The following CHLSN variants were observed in gnomAD, a reference collection of about 807,000 sequenced individuals.
CHLSN encodes the protein protein cholesin.
At chr7:1,134,197 T>G in the CHLSN span, among the ~76,000 whole-genome samples, 1 of 151,576 alleles carries the variant, frequency 6.6e-6, no homozygotes, top group Non-Finnish European at 1.5e-5. Flanking sequence ...CACTTGAGCC[T>G]AGGAGTTCAA....
At chr7:1,109,973 C>T in the CHLSN span, among the ~76,000 whole-genome samples, 2 of 152,228 alleles carry the variant, frequency 1.3e-5, no homozygotes, top group Non-Finnish European at 2.9e-5. Flanking sequence ...CCGTGGGCTG[C>T]GTCCAGGGCT....
chr7:1,057,739 T>C, the CHLSN span: 1 of 775,046 alleles, frequency 1.3e-6, no homozygotes, highest in Non-Finnish European at 2.4e-6. Context: ...GCAGGCCTGG[T>C]GCTCAGCGCC....
chr7:1,033,672 C>T, the CHLSN span, among the ~76,000 whole-genome samples: 11 of 152,170 alleles, frequency 7.2e-5, no homozygotes, highest in African/African-American at 1.7e-4. Context: ...TCAAGACCCA[C>T]GCGTGGTAAA....
At chr7:1,039,235 T>TG in the CHLSN span, among the ~76,000 whole-genome samples, 1 of 24,386 alleles carries the variant, frequency 4.1e-5, no homozygotes, top group Non-Finnish European at 6.9e-5. Flanking sequence ...GGGAGGGAGG[T>TG]GGGGGGGGTC....
At chr7:1,065,633 G>A in the CHLSN span, among the ~76,000 whole-genome samples, 30 of 152,230 alleles carry the variant, frequency 2.0e-4, no homozygotes, top group African/African-American at 6.5e-4. Flanking sequence ...GCGACACAGC[G>A]GCGACGAGGG....
chr7:1,091,794 G>T, the CHLSN span: 1 of 1,590,914 alleles, frequency 6.3e-7, no homozygotes, highest in Non-Finnish European at 8.6e-7. Context: ...CGCAGCCTGC[G>T]GCCCCCAACA....
chr7:999,729 G>C, the CHLSN span, among the ~76,000 whole-genome samples: 1 of 152,202 alleles, frequency 6.6e-6, no homozygotes, highest in Non-Finnish European at 1.5e-5. Flanking sequence ...CCTGCCCCCA[G>C]CGCGCACGCA....
the CHLSN span, among the ~76,000 whole-genome samples, chr7:1,136,531 C>T: frequency 8.0e-6 from 1 of 125,432 alleles, no homozygotes; most frequent in African/African-American, 3.1e-5. Flanking sequence ...TATATATAAA[C>T]ATATATATGA....
the CHLSN span, among the ~76,000 whole-genome samples, chr7:1,016,164 CA>C: frequency 2.3e-5 from 2 of 86,678 alleles, no homozygotes; most frequent in Admixed American, 1.2e-4. Flanking sequence ...CGCCAGCACA[CA>C]GCAGCACACA....
At chr7:983,512 C>T in the CHLSN span, 1 of 987,230 alleles carries the variant, frequency 1.0e-6, no homozygotes, top group Non-Finnish European at 1.4e-6. Flanking sequence ...GCGGGGCACG[C>T]AGGAGGCCGG....
the CHLSN span, among the ~76,000 whole-genome samples, chr7:996,291 A>G: frequency 5.3e-5 from 8 of 152,152 alleles, no homozygotes; most frequent in Non-Finnish European, 1.2e-4. Context: ...GCTTGCATGC[A>G]GCTCTGTGCG....
chr7:1,111,013 T>A, the CHLSN span, among the ~76,000 whole-genome samples: 3 of 152,240 alleles, frequency 2.0e-5, no homozygotes, highest in South Asian at 6.2e-4. Flanking sequence ...GAGGTGGCGG[T>A]TGCAGTGAGC....
At chr7:1,037,486 TC>T in the CHLSN span, among the ~76,000 whole-genome samples, 10 of 136,498 alleles carry the variant, frequency 7.3e-5, no homozygotes, top group African/African-American at 2.1e-4. Flanking sequence ...CCGCGAGTGA[TC>T]CCGCCAACCT....
the CHLSN span, among the ~76,000 whole-genome samples, chr7:1,006,339 A>G: frequency 6.6e-6 from 1 of 152,154 alleles, no homozygotes. Flanking sequence ...AGAGCACACG[A>G]CGGTCACAGC....
At chr7:1,121,765 G>A in the CHLSN span, among the ~76,000 whole-genome samples, 1 of 152,222 alleles carries the variant, frequency 6.6e-6, no homozygotes, top group Non-Finnish European at 1.5e-5. Flanking sequence ...TGGGCTTACT[G>A]TGGCCCACGA....
chr7:1,009,765 T>C, the CHLSN span, among the ~76,000 whole-genome samples: 1 of 152,212 alleles, frequency 6.6e-6, no homozygotes, highest in African/African-American at 2.4e-5. Flanking sequence ...CCCCTGAAAG[T>C]TCCTGAAGGC....
At chr7:1,086,300 G>T in the CHLSN span, among the ~76,000 whole-genome samples, 1 of 152,126 alleles carries the variant, frequency 6.6e-6, no homozygotes, top group Non-Finnish European at 1.5e-5. Flanking sequence ...ATTTTTTTCT[G>T]TACTTTCTCA....
chr7:1,036,307 T>C, the CHLSN span, among the ~76,000 whole-genome samples: 1 of 151,724 alleles, frequency 6.6e-6, no homozygotes, highest in Non-Finnish European at 1.5e-5. Context: ...GCTCGTGCTG[T>C]GGCCGTGCAG....
the CHLSN span, among the ~76,000 whole-genome samples, chr7:1,117,931 C>T: frequency 6.6e-6 from 1 of 152,188 alleles, no homozygotes; most frequent in Non-Finnish European, 1.5e-5. Flanking sequence ...ACCTCGGCCC[C>T]CCTAGAAGCT....
Sources: allele counts gnomAD v4.1 joint callset (sites outside exome capture counted in the v4.1 genomes callset), GRCh38; gene constraint gnomAD v4.1.1; transcripts MANE v1.5; gene names NCBI Gene and HGNC (gene_info 2026-07-23, HGNC 2026-07-21).